Variants in SCN11A observed in about 807,000 individuals in gnomAD.
The protein encoded by SCN11A is sodium voltage-gated channel alpha subunit 11, also known as sodium channel protein type 11 subunit alpha.
A neutral mutation model predicts 162.2 loss-of-function variants in SCN11A; 122 were observed. The observed-to-expected ratio is 0.75, with a 90% CI of 0.65 to 0.87. The LOEUF (loss-of-function observed/expected upper bound fraction) is 0.87. SCN11A is among the 40% of genes least tolerant of loss of function. The pLI, the probability that SCN11A is intolerant of heterozygous loss-of-function variation, is 0.00. For synonymous variants in SCN11A, 758 were observed against 751.5 expected, an observed-to-expected ratio of 1.01 and a Z score of -0.14; for missense variants, 2,015 against 2,181.6, an observed-to-expected ratio of 0.92 and a Z score of 1.52.
At chr3:38,857,250 AAAC>A (rs955005190) in intron 28 of SCN11A, among the ~76,000 whole-genome samples, 10 of 152,152 alleles carry the variant, frequency 6.6e-5, no homozygotes, top group Non-Finnish European at 1.3e-4. Context: ...AAAGAAATTT[AAAC>A]AACAATACAA....
In SCN11A at chr3:38,847,483, A is replaced by G. The variant is rs759132701; in HGVS notation, c.4587T>C (p.Asp1529=). ...FSKVNPESGI[D]DIFNFKTFAS... ...CAAAAGTCTTGAAGTTGAATATGTC[A>G]TCGATTCCAGACTCTGGATTCACTT... The change falls in exon 30 of 30, where the codon GAT becomes GAC. Residue 1529 remains aspartate (D), a synonymous_variant. Coordinates refer to ENST00000302328, the MANE Select transcript of SCN11A (RefSeq NM_001349253.2). The G allele has an allele frequency of 6.2e-7, 1 of 1,614,188 alleles. No individual in the cohort carries two copies. Among genetic ancestry groups the G allele is most frequent in the Non-Finnish European group, 8.5e-7 (1 of 1,180,024 alleles).
intron 2 of SCN11A, among the ~76,000 whole-genome samples, chr3:38,987,134 TGGAA>T (rs1393058137): frequency 6.6e-6 from 1 of 152,126 alleles, no homozygotes; most frequent in Admixed American, 6.5e-5. Context: ...TGAGTATCTT[TGGAA>T]GGGAGGATGG....
chr3:39,009,296 G>A (rs187117389), intron 2 of SCN11A, among the ~76,000 whole-genome samples: 1 of 151,812 alleles, frequency 6.6e-6, no homozygotes, highest in East Asian at 1.9e-4. Flanking sequence ...TTTATTATTG[G>A]TAAGTTTTAA....
chr3:38,938,863 C>T (rs1283979276), intron 7 of SCN11A, among the ~76,000 whole-genome samples: 1 of 151,630 alleles, frequency 6.6e-6, no homozygotes, highest in Non-Finnish European at 1.5e-5. Context: ...CGGCGCCCGG[C>T]CAAAAATATT....
chr3:38,867,485 A>G (rs2065060501), intron 26 of SCN11A, 27 bp from the exon 27 acceptor site: 2 of 1,563,482 alleles, frequency 1.3e-6, no homozygotes, highest in Non-Finnish European at 1.7e-6. Flanking sequence ...TAATAAGAGA[A>G]AAAAACAATT....
chr3:38,878,145 T>C (rs1041457382), intron 23 of SCN11A, among the ~76,000 whole-genome samples: 35 of 148,970 alleles, frequency 2.3e-4, no homozygotes, highest in African/African-American at 8.5e-4. Flanking sequence ...ACACCACCTG[T>C]TCCCTGAAAG....
intron 2 of SCN11A, among the ~76,000 whole-genome samples, chr3:39,020,652 C>T (rs1036154331): frequency 9.9e-5 from 15 of 152,198 alleles, no homozygotes; most frequent in African/African-American, 3.6e-4. Flanking sequence ...CAGAAGAAAC[C>T]CACTCATTTT....
intron 2 of SCN11A, among the ~76,000 whole-genome samples, chr3:38,987,056 CAA>C (rs773498885): frequency 2.4e-4 from 37 of 152,138 alleles, no homozygotes; most frequent in Non-Finnish European, 4.6e-4. Flanking sequence ...CACACACACA[CAA>C]GTGTTTAATG....
At chr3:38,999,574 A>G (rs2030746217) in intron 2 of SCN11A, among the ~76,000 whole-genome samples, 1 of 152,150 alleles carries the variant, frequency 6.6e-6, no homozygotes, top group Admixed American at 6.5e-5. Flanking sequence ...TCTTGGAGGC[A>G]TTCTAATAAT....
At chr3:39,020,134 A>G (rs2031409439) in intron 2 of SCN11A, among the ~76,000 whole-genome samples, 1 of 152,196 alleles carries the variant, frequency 6.6e-6, no homozygotes, top group South Asian at 2.1e-4. Flanking sequence ...ACCTATCTCA[A>G]ATGGTTGCCC....
At chr3:38,968,437 C>A (rs1452975379) in intron 2 of SCN11A, among the ~76,000 whole-genome samples, 4 of 152,190 alleles carry the variant, frequency 2.6e-5, no homozygotes, top group African/African-American at 4.8e-5. Flanking sequence ...ATGGGGATAG[C>A]AACATTATAG....
intron 9 of SCN11A, among the ~76,000 whole-genome samples, chr3:38,924,406 T>C (rs2066103813): frequency 1.3e-5 from 2 of 151,830 alleles, no homozygotes; most frequent in Non-Finnish European, 2.9e-5. Flanking sequence ...ACAGTTTTGC[T>C]TTTGTTGCCC....
intron 10 of SCN11A, among the ~76,000 whole-genome samples, chr3:38,920,265 C>G (rs917541531): frequency 6.6e-6 from 1 of 152,044 alleles, no homozygotes; most frequent in Non-Finnish European, 1.5e-5. Flanking sequence ...AATACTGAAC[C>G]GAAGATCCTC....
chr3:38,978,796 C>G (rs1347408323), intron 2 of SCN11A, among the ~76,000 whole-genome samples: 5 of 152,174 alleles, frequency 3.3e-5, no homozygotes, highest in African/African-American at 9.7e-5. Context: ...TTGGCCCTGT[C>G]CCCTCCAGCC....
intron 3 of SCN11A, among the ~76,000 whole-genome samples, chr3:38,959,448 G>A (rs2066718736): frequency 6.6e-6 from 1 of 152,064 alleles, no homozygotes; most frequent in South Asian, 2.1e-4. Context: ...AAGGAGTCAA[G>A]AGGAGAAAGC....
intron 2 of SCN11A, among the ~76,000 whole-genome samples, chr3:38,968,594 GCA>G: frequency 6.6e-6 from 1 of 152,242 alleles, no homozygotes; most frequent in Non-Finnish European, 1.5e-5. Flanking sequence ...ACACACATGT[GCA>G]CACACACGTG....
chr3:39,000,824 G>A (rs2030787991), intron 2 of SCN11A, among the ~76,000 whole-genome samples: 1 of 152,108 alleles, frequency 6.6e-6, no homozygotes, highest in South Asian at 2.1e-4. Context: ...ATCACTTGAG[G>A]CCAGGAGTTT....
At chr3:39,023,332 T>TAC (rs2031502846) in intron 2 of SCN11A, among the ~76,000 whole-genome samples, 1 of 152,336 alleles carries the variant, frequency 6.6e-6, no homozygotes, top group South Asian at 2.1e-4. Context: ...GTTCTTCATA[T>TAC]ACAGCCTATA....
At chr3:39,021,376 C>T (rs1207893205) in intron 2 of SCN11A, among the ~76,000 whole-genome samples, 5 of 152,166 alleles carry the variant, frequency 3.3e-5, no homozygotes, top group African/African-American at 4.8e-5. Flanking sequence ...GGTGCTGGAG[C>T]TGTATTAGCC....
Sources: allele counts gnomAD v4.1 joint callset (sites outside exome capture counted in the v4.1 genomes callset), GRCh38; gene constraint gnomAD v4.1.1; transcripts MANE v1.5; gene names NCBI Gene and HGNC (gene_info 2026-07-23, HGNC 2026-07-21).